The following KANSL1L variants were observed in gnomAD, a reference collection of about 807,000 sequenced individuals.
KANSL1L encodes KAT8 regulatory NSL complex subunit 1-like protein.
A neutral mutation model predicts 108.6 loss-of-function variants in KANSL1L; 25 were observed. That is an observed-to-expected ratio of 0.23 (90% confidence interval 0.17 to 0.32). KANSL1L has a LOEUF of 0.32. Among genes scored for constraint, KANSL1L ranks in the 10% least tolerant of loss-of-function variants. The pLI is 1.00. For synonymous variants in KANSL1L, 405 were observed against 395.1 expected (o/e 1.03, Z -0.30); for missense variants, 1,137 against 1,125.7 (o/e 1.01, Z -0.14).
chr2:210,064,702 G>A (rs2094450283), intron 6 of KANSL1L, among the ~76,000 whole-genome samples: 1 of 151,596 alleles, frequency 6.6e-6, no homozygotes, highest in South Asian at 2.1e-4. Flanking sequence ...CCAGCTACTT[G>A]GGAGGCTGAG....
chr2:210,170,809 G>C (rs1379633941), intron 1 of KANSL1L, among the ~76,000 whole-genome samples: 1 of 152,124 alleles, frequency 6.6e-6, no homozygotes, highest in Non-Finnish European at 1.5e-5. Flanking sequence ...CTGCGCACGC[G>C]CCAGCCAAAA....
At chr2:210,069,520 A>C (rs1462135930) in intron 6 of KANSL1L, among the ~76,000 whole-genome samples, 5 of 152,090 alleles carry the variant, frequency 3.3e-5, no homozygotes. Flanking sequence ...ACTCTGTATA[A>C]GTTTCCTAGG....
chr2:210,064,637 A>T (rs1044302679), intron 6 of KANSL1L, among the ~76,000 whole-genome samples: 1 of 151,526 alleles, frequency 6.6e-6, no homozygotes, highest in Non-Finnish European at 1.5e-5. Flanking sequence ...ACATAGAAAG[A>T]CCCTGTCTCT....
chr2:210,042,973 G>A lies in KANSL1L; in HGVS notation c.1921+966C>T, dbSNP rs371033810. Among the ~76,000 whole-genome samples the A allele has an allele frequency of 3.3e-5, 5 of 152,234 alleles. No individual in the cohort carries two copies. In the East Asian group the frequency reaches 9.6e-4, roughly 29 times the overall value. ...ACCATAAGCGGAAAATGGAACAAAAGCTAAGTTGAGATATCCCCCAGTAAA... is the reference window on the plus strand; with the variant it reads ...ACCATAAGCGGAAAATGGAACAAAAACTAAGTTGAGATATCCCCCAGTAAA... On this transcript the variant is annotated intron_variant, in intron 7 of 14. Transcript: ENST00000281772.
chr2:210,115,561 TA>T (rs1478888114), intron 3 of KANSL1L, among the ~76,000 whole-genome samples: 1 of 152,230 alleles, frequency 6.6e-6, no homozygotes, highest in Admixed American at 6.5e-5. Context: ...CAAAACTCTC[TA>T]ACCTTGTGAG....
At chr2:210,138,493 T>G (rs1299930948) in intron 2 of KANSL1L, among the ~76,000 whole-genome samples, 4 of 152,142 alleles carry the variant, frequency 2.6e-5, no homozygotes, top group African/African-American at 9.7e-5. Flanking sequence ...TTAAAAAAAG[T>G]TAATGATATC....
chr2:210,129,210 G>A (rs1200281981), intron 2 of KANSL1L, 38 bp from the exon 3 acceptor site: 2 of 1,519,568 alleles, frequency 1.3e-6, no homozygotes, highest in African/African-American at 1.4e-5. Context: ...AAAGCACAAA[G>A]GCAATCAAGT....
intron 6 of KANSL1L, among the ~76,000 whole-genome samples, chr2:210,073,024 C>T (rs1315630301): frequency 2.0e-5 from 3 of 152,060 alleles, no homozygotes; most frequent in African/African-American, 7.2e-5. Flanking sequence ...CTCATGAGTT[C>T]CTATTTTTTC....
intron 1 of KANSL1L, among the ~76,000 whole-genome samples, chr2:210,169,250 T>C (rs1038391778): frequency 3.3e-5 from 5 of 152,156 alleles, no homozygotes; most frequent in Non-Finnish European, 7.4e-5. Flanking sequence ...TGTAAAAGGA[T>C]ATTGTCTGTA....
chr2:210,073,459 G>A (rs974284753), intron 6 of KANSL1L, among the ~76,000 whole-genome samples: 2 of 151,848 alleles, frequency 1.3e-5, no homozygotes, highest in Non-Finnish European at 2.9e-5. Context: ...ACTTTGGGAG[G>A]CTAAGGCAGG....
At chr2:210,138,279 C>T (rs998006967) in intron 2 of KANSL1L, among the ~76,000 whole-genome samples, 5 of 150,942 alleles carry the variant, frequency 3.3e-5, no homozygotes, top group African/African-American at 1.2e-4. Context: ...TAAACATAGA[C>T]ATAAAGATGG....
Position 210,040,536 on chromosome 2 carries a change from A to G in KANSL1L, c.1922-9T>C. On this transcript the variant is annotated splice_polypyrimidine_tract_variant and intron_variant, in intron 7 of 14. Transcript: ENST00000281772. ...AAAATGAAGAGGCACATCTGGAAAAATAAAATAAAAAAGGTATTTTCAAAT... is the reference window on the plus strand; with the variant it reads ...AAAATGAAGAGGCACATCTGGAAAAGTAAAATAAAAAAGGTATTTTCAAAT... The G allele has an allele frequency of 7.5e-7, 1 of 1,329,450 alleles. No individual in the cohort carries two copies. The highest frequency in any genetic ancestry group is 1.0e-6 in the Non-Finnish European group (1 of 959,642). 82.4% of individuals were successfully genotyped at this position (1,329,450 alleles called of 1,614,324 possible).
intron 10 of KANSL1L, chr2:210,029,269 C>T (rs1482406338): frequency 3.9e-6 from 1 of 255,294 alleles, no homozygotes; most frequent in Non-Finnish European, 7.3e-6. Context: ...CAGAAAAGAC[C>T]AACATACATC....
At chr2:210,165,500 T>C (rs1475547776) in intron 1 of KANSL1L, among the ~76,000 whole-genome samples, 1 of 152,094 alleles carries the variant, frequency 6.6e-6, no homozygotes, top group African/African-American at 2.4e-5. Flanking sequence ...ATAAAATTAA[T>C]CTAATAAAAA....
At chr2:210,104,028 A>G in intron 4 of KANSL1L, 76 bp downstream of exon 4, 3 of 1,120,650 alleles carry the variant, frequency 2.7e-6, no homozygotes, top group Non-Finnish European at 4.1e-6. Flanking sequence ...TACACATATA[A>G]TGATGTTTAT....
At chr2:210,077,626 G>T (rs904297927) in intron 5 of KANSL1L, among the ~76,000 whole-genome samples, 1 of 152,160 alleles carries the variant, frequency 6.6e-6, no homozygotes, top group African/African-American at 2.4e-5. Flanking sequence ...GAGGTTCTTT[G>T]TCCAGCAAGT....
intron 6 of KANSL1L, among the ~76,000 whole-genome samples, chr2:210,047,599 T>C (rs978913458): frequency 3.9e-5 from 6 of 152,236 alleles, no homozygotes; most frequent in African/African-American, 1.4e-4. Context: ...ATTTAGGCAT[T>C]CTCTAAATAA....
chr2:210,107,792 C>CA (rs1348974844), intron 3 of KANSL1L, among the ~76,000 whole-genome samples: 1 of 151,992 alleles, frequency 6.6e-6, no homozygotes, highest in African/African-American at 2.4e-5. Flanking sequence ...CTCGGCCTCC[C>CA]AAAGTGCTGG....
At chr2:210,081,389 C>G (rs2094588746) in intron 5 of KANSL1L, among the ~76,000 whole-genome samples, 1 of 152,166 alleles carries the variant, frequency 6.6e-6, no homozygotes, top group Non-Finnish European at 1.5e-5. Context: ...TCATCTAACT[C>G]TCAGATCCAA....
Sources: allele counts gnomAD v4.1 joint callset (sites outside exome capture counted in the v4.1 genomes callset), GRCh38; gene constraint gnomAD v4.1.1; transcripts MANE v1.5; gene names NCBI Gene and HGNC (gene_info 2026-07-23, HGNC 2026-07-21).